Variants in CCDC150 observed in about 807,000 individuals in gnomAD.
CCDC150 encodes the protein coiled-coil domain-containing protein 150.
Under a neutral mutation model 156.5 loss-of-function variants are expected in CCDC150, and 151 were observed. That is an observed-to-expected ratio of 0.97 (90% confidence interval 0.85 to 1.10). The LOEUF (loss-of-function observed/expected upper bound fraction) is 1.10. Among genes scored for constraint, CCDC150 ranks in the 50% least tolerant of loss-of-function variants. CCDC150 has a pLI of 0.00. For synonymous variants in CCDC150, 452 were observed against 429.4 expected (o/e 1.05, Z -0.65); for missense variants, 1,312 against 1,268.1 (o/e 1.03, Z -0.53).
At chr2:196,685,143 A>G (rs1695049706) in intron 13 of CCDC150, among the ~76,000 whole-genome samples, 1 of 151,832 alleles carries the variant, frequency 6.6e-6, no homozygotes, top group African/African-American at 2.4e-5. Context: ...GCCATCTTTT[A>G]TGTTAAATAT....
At chr2:196,712,776 G>A in intron 17 of CCDC150, 37 bp downstream of exon 17, 1 of 1,482,564 alleles carries the variant, frequency 6.7e-7, no homozygotes, top group Non-Finnish European at 9.3e-7. Flanking sequence ...TCAGCATGGT[G>A]GCTCTTGAAG....
chr2:196,726,008 A>T lies in CCDC150; in HGVS notation c.2465A>T (p.Glu822Val). 6.2e-7 allele frequency: 1 copy of T among 1,605,310 alleles called. No homozygotes were observed. The highest frequency in any genetic ancestry group is 2.2e-5 in the East Asian group (1 of 44,712). The change falls in exon 22 of 28, where the codon GAA becomes GTA. Residue 822 changes from glutamate to valine, a missense_variant. Coordinates refer to ENST00000389175, the MANE Select transcript of CCDC150 (RefSeq NM_001080539.2). ...RMTEESKVEA[E>V]LHAERIEALR... ...ACTGAAGAGTCCAAAGTGGAAGCAG[A>T]ATTGCATGCTGAACGCATAGAAGCT...
chr2:196,730,986 T>C lies in CCDC150; in HGVS notation c.3069+41T>C, dbSNP rs1458745123. 6.1e-6 allele frequency: 9 copies of C among 1,483,094 alleles called. No individual in the cohort carries two copies. In the Admixed American group the frequency reaches 1.1e-4, roughly 17 times the overall value. The allele number at this position is 1,483,094 out of a possible 1,614,324, so 91.9% of individuals were successfully genotyped here. On this transcript the variant is annotated intron_variant, in intron 26 of 27. Coordinates refer to ENST00000389175, the MANE Select transcript of CCDC150 (RefSeq NM_001080539.2). The stretch of plus-strand genomic sequence containing the variant: ...GGACATAAAGACTTAGACGTTTCCT[T>C]CAACACAGCAACCCTGAAGCAACCC...
At chr2:196,700,822 T>C (rs1696153780) in intron 14 of CCDC150, among the ~76,000 whole-genome samples, 8 of 152,144 alleles carry the variant, frequency 5.3e-5, no homozygotes, top group Admixed American at 5.2e-4. Flanking sequence ...CCATGCTGGA[T>C]CACAACTACA....
At chr2:196,650,981 A>G (rs959094870) in intron 2 of CCDC150, among the ~76,000 whole-genome samples, 1 of 152,156 alleles carries the variant, frequency 6.6e-6, no homozygotes, top group African/African-American at 2.4e-5. Context: ...TTATTGGCCT[A>G]TTCAGATTTT....
intron 2 of CCDC150, among the ~76,000 whole-genome samples, chr2:196,650,026 AAC>A (rs1692782695): frequency 6.6e-6 from 1 of 152,168 alleles, no homozygotes; most frequent in African/African-American, 2.4e-5. Context: ...TAGGACTTAC[AAC>A]AGTACATTGA....
At chr2:196,686,630 T>G (rs1273966877) in intron 13 of CCDC150, among the ~76,000 whole-genome samples, 3 of 146,998 alleles carry the variant, frequency 2.0e-5, no homozygotes, top group South Asian at 4.4e-4. Flanking sequence ...CACACCTAGG[T>G]TTTTTTTTTT....
intron 15 of CCDC150, among the ~76,000 whole-genome samples, chr2:196,702,420 G>GC (rs1696286678): frequency 6.6e-6 from 1 of 151,554 alleles, no homozygotes; most frequent in South Asian, 2.1e-4. Flanking sequence ...GTGCAATGGT[G>GC]CAATATCTGG....
chr2:196,654,569 T>C (rs1693079961), intron 2 of CCDC150, among the ~76,000 whole-genome samples: 1 of 152,132 alleles, frequency 6.6e-6, no homozygotes, highest in Admixed American at 6.6e-5. Context: ...CTTATTGTAT[T>C]CTTTGGCTAT....
Position 196,729,225 on chromosome 2 carries a change from A to G in CCDC150, c.2589A>G (p.Arg863=). 1.2e-6 allele frequency: 2 copies of G among 1,613,584 alleles called. No homozygotes were observed. Among genetic ancestry groups the G allele is most frequent in the Non-Finnish European group, 1.7e-6 (2 of 1,179,770 alleles). The change falls in exon 23 of 28, where the codon AGA becomes AGG. Residue 863 remains arginine, a synonymous_variant. Coordinates refer to ENST00000389175, the MANE Select transcript of CCDC150 (RefSeq NM_001080539.2). The part of the protein sequence containing the change: ...LKKALDEANF[R]SVEVSRTNRE... ...AAGCCCTTGATGAAGCTAACTTCAG[A>G]TCAGTGGAAGTGTCCCGGACCAACC...
At chr2:196,656,897 C>T in intron 3 of CCDC150, 44 bp downstream of exon 3, 2 of 1,610,272 alleles carry the variant, frequency 1.2e-6, no homozygotes, top group South Asian at 1.1e-5. Context: ...TGTATAGGTG[C>T]TTGATTTTCT....
At chr2:196,677,969 G>A (rs1694611129) in intron 13 of CCDC150, among the ~76,000 whole-genome samples, 1 of 151,732 alleles carries the variant, frequency 6.6e-6, no homozygotes, top group African/African-American at 2.4e-5. Context: ...CATCCTGGGC[G>A]ACAGAGCAAG....
At chr2:196,692,166 C>T (rs372253371) in intron 13 of CCDC150, among the ~76,000 whole-genome samples, 11,687 of 126,780 alleles carry the variant, frequency 0.092, 670 homozygotes, top group Middle Eastern at 0.2. Flanking sequence ...CTCGCTCTGT[C>T]GCCCAGGCCG....
At chr2:196,651,747 T>C (rs563628529) in intron 2 of CCDC150, among the ~76,000 whole-genome samples, 10 of 152,340 alleles carry the variant, frequency 6.6e-5, no homozygotes, top group Middle Eastern at 6.8e-3. Flanking sequence ...GTGTCTGTGT[T>C]AGTCCATTGT....
rs771451230 is a variant in CCDC150 at position 196,726,054 on chromosome 2, C to T, written c.2511C>T (p.Thr837=). ...RIEALRKQFQ[T]ERETTKKVAQ... The stretch of plus-strand genomic sequence containing the variant: ...AAGCTCTAAGAAAGCAGTTTCAAAC[C>T]GAGAGAGAAACTACAAAGAAAGTGG... The change falls in exon 22 of 28, where the codon ACC becomes ACT. Residue 837 remains threonine, a synonymous_variant. Transcript: ENST00000389175. The T allele has an allele frequency of 1.4e-5, 23 of 1,612,304 alleles. No individual in the cohort carries two copies. The highest frequency in any genetic ancestry group is 1.3e-4 in the Admixed American group (8 of 59,834).
chr2:196,658,267 A>G (rs1693343598), intron 4 of CCDC150, among the ~76,000 whole-genome samples: 1 of 152,154 alleles, frequency 6.6e-6, no homozygotes, highest in African/African-American at 2.4e-5. Flanking sequence ...AAAAAAAGGT[A>G]TGCTCGAATA....
At chr2:196,645,786 A>T (rs1692499534) in intron 1 of CCDC150, among the ~76,000 whole-genome samples, 1 of 152,210 alleles carries the variant, frequency 6.6e-6, no homozygotes, top group Non-Finnish European at 1.5e-5. Flanking sequence ...TCAATGCAGG[A>T]TACATAGTTG....
chr2:196,666,567 C>T (rs545363217), intron 6 of CCDC150, among the ~76,000 whole-genome samples, 152 bp from the exon 7 acceptor site: 46 of 152,296 alleles, frequency 3.0e-4, no homozygotes, highest in African/African-American at 1.0e-3. Context: ...TCCAAGACCG[C>T]ATTCTGTTGA....
chr2:196,729,778 TCCAATTA>T lies in CCDC150; in HGVS notation c.2752-13_2752-7del. On this transcript the variant is annotated splice_region_variant and splice_polypyrimidine_tract_variant and intron_variant, in intron 23 of 27. Coordinates refer to ENST00000389175, the MANE Select transcript of CCDC150 (RefSeq NM_001080539.2). ...CACTGATCATCTTTTTATGTTATTT[TCCAATTA>T]CTTTTAGCAAATAGAAAAAGAATTG... 2.0e-6 allele frequency: 3 copies of T among 1,504,122 alleles called. No individual in the cohort carries two copies. Among genetic ancestry groups the T allele is most frequent in the Non-Finnish European group, 2.7e-6 (3 of 1,098,256 alleles). 93.2% of individuals were successfully genotyped at this position (1,504,122 alleles called of 1,614,324 possible).
Sources: allele counts gnomAD v4.1 joint callset (sites outside exome capture counted in the v4.1 genomes callset), GRCh38; gene constraint gnomAD v4.1.1; transcripts MANE v1.5; gene names NCBI Gene and HGNC (gene_info 2026-07-23, HGNC 2026-07-21).